The following METTL15 variants were observed in gnomAD, a reference collection of about 807,000 sequenced individuals.
METTL15 encodes the protein 12S rRNA N(4)-cytidine methyltransferase METTL15.
In METTL15, 34 loss-of-function variants were observed where a neutral mutation model predicts 38.3. The ratio of observed to expected loss-of-function variants is 0.89; its 90% CI spans 0.68 to 1.18. The LOEUF is 1.18. Ranked by LOEUF, METTL15 falls within the 50% of genes most tolerant of loss-of-function variation. The pLI, the probability that METTL15 is intolerant of heterozygous loss-of-function variation, is 0.00. For synonymous variants in METTL15, 162 were observed against 170.9 expected (o/e 0.95, Z 0.41); for missense variants, 438 against 498.4 (o/e 0.88, Z 1.15).
At chr11:28,191,874 T>TAGCAA (rs1639230762) in intron 3 of METTL15, among the ~76,000 whole-genome samples, 1 of 151,736 alleles carries the variant, frequency 6.6e-6, no homozygotes, top group African/African-American at 2.4e-5. Context: ...TTTCCTCCCT[T>TAGCAA]AGCAAAGGTA....
chr11:28,298,243 C>T (rs567580123), intron 6 of METTL15, among the ~76,000 whole-genome samples: 1 of 152,206 alleles, frequency 6.6e-6, no homozygotes, highest in South Asian at 2.1e-4. Flanking sequence ...ACTAACATGT[C>T]TCCACCGTAT....
At chr11:28,243,485 A>T (rs1264099870) in intron 4 of METTL15, among the ~76,000 whole-genome samples, 1 of 152,234 alleles carries the variant, frequency 6.6e-6, no homozygotes, top group Non-Finnish European at 1.5e-5. Flanking sequence ...TTTAATAAAA[A>T]TAGTATGTAT....
chr11:28,485,720 C>G (rs940067926), intron 6 of METTL15, among the ~76,000 whole-genome samples: 1 of 152,170 alleles, frequency 6.6e-6, no homozygotes, highest in African/African-American at 2.4e-5. Flanking sequence ...AGTGTCTTAA[C>G]CATCTCAGGT....
intron 5 of METTL15, among the ~76,000 whole-genome samples, chr11:28,367,695 A>G (rs1850200128): frequency 6.6e-6 from 1 of 152,154 alleles, no homozygotes; most frequent in Non-Finnish European, 1.5e-5. Flanking sequence ...CTGACTTCAA[A>G]CTATACTACA....
chr11:28,346,641 C>A (rs1453677404), intron 3 of METTL15, among the ~76,000 whole-genome samples: 1 of 152,122 alleles, frequency 6.6e-6, no homozygotes, highest in Non-Finnish European at 1.5e-5. Flanking sequence ...TTGTTGATTT[C>A]AATTGTTCCC....
chr11:28,480,132 A>G (rs770006063), intron 6 of METTL15, among the ~76,000 whole-genome samples: 14 of 152,368 alleles, frequency 9.2e-5, no homozygotes, highest in Admixed American at 2.6e-4. Context: ...ATTATTTCCT[A>G]TACAGTTACA....
intron 5 of METTL15, among the ~76,000 whole-genome samples, chr11:28,381,974 C>G (rs1425313073): frequency 1.3e-5 from 2 of 151,926 alleles, no homozygotes; most frequent in Admixed American, 6.6e-5. Flanking sequence ...GTTATTTATC[C>G]AAATCTTCTA....
chr11:28,221,992 G>C (rs190281758), intron 4 of METTL15, among the ~76,000 whole-genome samples: 108 of 152,240 alleles, frequency 7.1e-4, no homozygotes, highest in African/African-American at 2.3e-3. Context: ...TTAGGCTACT[G>C]AGGGGTCAGG....
intron 6 of METTL15, among the ~76,000 whole-genome samples, chr11:28,433,158 G>GTTTT (rs1564930335): frequency 1.8e-5 from 2 of 113,616 alleles, no homozygotes; most frequent in Non-Finnish European, 2.0e-5. Context: ...CTCAGGTTTT[G>GTTTT]TTTTGTTTTT....
chr11:28,506,264 G>T (rs1159839092), intron 6 of METTL15, among the ~76,000 whole-genome samples: 1 of 152,116 alleles, frequency 6.6e-6, no homozygotes, highest in Non-Finnish European at 1.5e-5. Flanking sequence ...TCTTTATTAT[G>T]ACTTAGTCCC....
At chr11:28,255,911 C>G (rs1854953191) in intron 4 of METTL15, among the ~76,000 whole-genome samples, 1 of 152,162 alleles carries the variant, frequency 6.6e-6, no homozygotes, top group African/African-American at 2.4e-5. Flanking sequence ...CCATGTTGGT[C>G]AGGCTGGTCT....
At position 28,138,347 on chromosome 11, in the gene METTL15, TTTAAA is replaced by T. The variant is rs113100740; in HGVS notation, c.270+24748_270+24752del. Among the ~76,000 whole-genome samples, 10 of 152,326 alleles carry T rather than the reference TTTAAA, an allele frequency of 6.6e-5. 1 individual carries two copies. The highest frequency in any genetic ancestry group is 2.4e-4 in the African/African-American group (10 of 41,568). On this transcript the variant is annotated intron_variant, in intron 3 of 6. Coordinates refer to ENST00000407364, the MANE Select transcript of METTL15 (RefSeq NM_001113528.2). The stretch of plus-strand genomic sequence containing the variant: ...ATATACCTCTAGCTTGGATATCCAC[TTTAAA>T]TTAAGCTGAGTGCTTTTTAAGAAAA...
chr11:28,282,872 A>C (rs1406518824), intron 4 of METTL15, among the ~76,000 whole-genome samples: 1 of 152,156 alleles, frequency 6.6e-6, no homozygotes, highest in African/African-American at 2.4e-5. Flanking sequence ...TAGATTGCTG[A>C]CCCATAGAAT....
chr11:28,241,423 A>G (rs1453352375), intron 4 of METTL15, among the ~76,000 whole-genome samples: 1 of 151,784 alleles, frequency 6.6e-6, no homozygotes, highest in Non-Finnish European at 1.5e-5. Context: ...AGCCCCAGCT[A>G]CTCGGGAGGC....
chr11:28,357,636 C>T (rs1487632161), intron 4 of METTL15, among the ~76,000 whole-genome samples: 3 of 152,192 alleles, frequency 2.0e-5, no homozygotes, highest in African/African-American at 4.8e-5. Context: ...GTGCCTGACT[C>T]ATGGTAAGTG....
chr11:28,231,386 AAAT>A (rs1476610823), intron 4 of METTL15, among the ~76,000 whole-genome samples: 1 of 151,914 alleles, frequency 6.6e-6, no homozygotes, highest in Admixed American at 6.6e-5. Flanking sequence ...AGGACAAATA[AAAT>A]AATAAGATAT....
intron 6 of METTL15, among the ~76,000 whole-genome samples, chr11:28,437,387 A>G (rs1237271919): frequency 6.6e-6 from 1 of 152,248 alleles, no homozygotes; most frequent in Admixed American, 6.5e-5. Flanking sequence ...GATATTTTGC[A>G]TAAATAATTG....
intron 6 of METTL15, among the ~76,000 whole-genome samples, chr11:28,313,159 C>T (rs1857366286): frequency 1.3e-5 from 2 of 152,202 alleles, no homozygotes; most frequent in South Asian, 4.2e-4. Context: ...CATGACTATT[C>T]TAAGCCTCTC....
At chr11:28,281,512 G>T (rs1052433421) in intron 4 of METTL15, among the ~76,000 whole-genome samples, 1 of 152,138 alleles carries the variant, frequency 6.6e-6, no homozygotes, top group African/African-American at 2.4e-5. Context: ...CGTTTTTATA[G>T]CTCTCTGATT....
Sources: allele counts gnomAD v4.1 joint callset (sites outside exome capture counted in the v4.1 genomes callset), GRCh38; gene constraint gnomAD v4.1.1; transcripts MANE v1.5; gene names NCBI Gene and HGNC (gene_info 2026-07-23, HGNC 2026-07-21).